The following RNF111 variants were observed in gnomAD, a reference collection of about 807,000 sequenced individuals.
The protein encoded by RNF111 is ring finger protein 111.
Under a neutral mutation model 95.1 loss-of-function variants are expected in RNF111, and 17 were observed. The ratio of observed to expected loss-of-function variants is 0.18; its 90% CI spans 0.12 to 0.27. The LOEUF (loss-of-function observed/expected upper bound fraction) is 0.27. RNF111 is among the 10% of genes least tolerant of loss of function. The pLI, the probability that RNF111 is intolerant of heterozygous loss-of-function variation, is 1.00. For synonymous variants in RNF111, 440 were observed against 414.8 expected (o/e 1.06, Z -0.74); for missense variants, 1,189 against 1,210.4 (o/e 0.98, Z 0.26).
intron 1 of RNF111, among the ~76,000 whole-genome samples, chr15:59,009,328 T>C (rs1596064393): frequency 6.6e-6 from 1 of 152,044 alleles, no homozygotes; most frequent in Admixed American, 6.6e-5. Flanking sequence ...TATTTCATCT[T>C]AGCTAGAGCA....
intron 2 of RNF111, among the ~76,000 whole-genome samples, chr15:59,051,917 A>G (rs1025942115): frequency 6.6e-6 from 1 of 152,176 alleles, no homozygotes; most frequent in Admixed American, 6.5e-5. Flanking sequence ...ACATAAAGCT[A>G]TTGTAATTAC....
At chr15:59,059,169 C>A (rs2042327364) in intron 5 of RNF111, among the ~76,000 whole-genome samples, 1 of 151,992 alleles carries the variant, frequency 6.6e-6, no homozygotes, top group South Asian at 2.1e-4. Flanking sequence ...CCCAACCCAA[C>A]AGAAAGACAA....
intron 7 of RNF111, among the ~76,000 whole-genome samples, chr15:59,079,506 G>C (rs2078672889): frequency 6.6e-6 from 1 of 152,144 alleles, no homozygotes; most frequent in Non-Finnish European, 1.5e-5. Context: ...TTGAGTTATT[G>C]TTACCTAACT....
chr15:59,041,769 A>G (rs756477437), intron 2 of RNF111, among the ~76,000 whole-genome samples: 1 of 152,188 alleles, frequency 6.6e-6, no homozygotes, highest in Non-Finnish European at 1.5e-5. Context: ...CTGTTTTCTC[A>G]AAATCCTTCC....
chr15:59,012,181 G>T (rs1445588542), intron 1 of RNF111, among the ~76,000 whole-genome samples: 1 of 151,618 alleles, frequency 6.6e-6, no homozygotes, highest in Non-Finnish European at 1.5e-5. Context: ...TCCACACCCG[G>T]CTGATTTTTG....
intron 2 of RNF111, among the ~76,000 whole-genome samples, chr15:59,046,055 GATA>G (rs1377637418): frequency 1.3e-5 from 2 of 151,970 alleles, no homozygotes; most frequent in Non-Finnish European, 2.9e-5. Context: ...TTTTCTAATT[GATA>G]ATAACATTTC....
intron 6 of RNF111, among the ~76,000 whole-genome samples, chr15:59,072,609 C>G (rs1171248709): frequency 6.6e-6 from 1 of 151,732 alleles, no homozygotes; most frequent in African/African-American, 2.4e-5. Context: ...CGCCACCACG[C>G]CTGGCTAATT....
chr15:59,003,108 T>A (rs2039396025), intron 1 of RNF111, among the ~76,000 whole-genome samples: 1 of 152,204 alleles, frequency 6.6e-6, no homozygotes, highest in African/African-American at 2.4e-5. Flanking sequence ...TCCTACTGCC[T>A]GTTTAATTTT....
At chr15:59,010,960 G>A (rs566606736) in intron 1 of RNF111, among the ~76,000 whole-genome samples, 1 of 152,252 alleles carries the variant, frequency 6.6e-6, no homozygotes, top group Non-Finnish European at 1.5e-5. Context: ...AAAAGTGTCT[G>A]AAGAAGTCAT....
At chr15:59,092,373 G>A in intron 12 of RNF111, 164 bp from the exon 13 acceptor site, 1 of 555,514 alleles carries the variant, frequency 1.8e-6, no homozygotes, top group Non-Finnish European at 2.9e-6. Flanking sequence ...ATTGATGATA[G>A]TCACTTAATT....
At chr15:59,072,450 C>CTTTTTTTT (rs35989790) in intron 6 of RNF111, among the ~76,000 whole-genome samples, 1 of 102,770 alleles carries the variant, frequency 9.7e-6, no homozygotes, top group Non-Finnish European at 1.8e-5. Flanking sequence ...TCATTTCCAT[C>CTTTTTTTT]TTTTTTTTTT....
At chr15:58,992,448 T>A (rs2038860225) in intron 1 of RNF111, among the ~76,000 whole-genome samples, 1 of 152,146 alleles carries the variant, frequency 6.6e-6, no homozygotes, top group African/African-American at 2.4e-5. Context: ...ATTGTTGGGT[T>A]GGGGTGATGG....
At chr15:59,085,863 A>C in intron 10 of RNF111, 78 bp downstream of exon 10, 11 of 1,165,894 alleles carry the variant, frequency 9.4e-6, no homozygotes, top group Non-Finnish European at 1.3e-5. Flanking sequence ...ATACTTCACT[A>C]TATTAATATA....
intron 6 of RNF111, among the ~76,000 whole-genome samples, chr15:59,073,745 C>T (rs959964308): frequency 6.6e-6 from 1 of 152,162 alleles, no homozygotes; most frequent in Non-Finnish European, 1.5e-5. Flanking sequence ...CACAAATGTT[C>T]TTAATGACAT....
intron 6 of RNF111, among the ~76,000 whole-genome samples, chr15:59,071,769 C>G (rs1370562035): frequency 2.6e-5 from 4 of 152,000 alleles, no homozygotes; most frequent in Admixed American, 1.3e-4. Flanking sequence ...GGTTTATTTC[C>G]CAACTTAGTT....
intron 7 of RNF111, among the ~76,000 whole-genome samples, chr15:59,078,484 TG>T (rs1216870970): frequency 6.7e-6 from 1 of 149,694 alleles, no homozygotes; most frequent in Non-Finnish European, 1.5e-5. Context: ...AAGGTTGTAG[TG>T]TGCTGTTATC....
chr15:59,026,970 C>A (rs2040643829), intron 1 of RNF111, among the ~76,000 whole-genome samples: 1 of 152,132 alleles, frequency 6.6e-6, no homozygotes, highest in East Asian at 1.9e-4. Flanking sequence ...GATCAAAAAT[C>A]AGAGCAGATT....
intron 10 of RNF111, among the ~76,000 whole-genome samples, chr15:59,086,846 A>C (rs1328624601): frequency 2.0e-5 from 3 of 152,220 alleles, no homozygotes. Flanking sequence ...TGTCCTGATC[A>C]AATTTATGAT....
intron 8 of RNF111, among the ~76,000 whole-genome samples, chr15:59,081,616 A>G (rs73418826): frequency 0.096 from 14,673 of 152,060 alleles, 2,026 homozygotes; most frequent in African/African-American, 0.3. Context: ...CCAGTTGCTC[A>G]GGAGGCTAAG....
Sources: allele counts gnomAD v4.1 joint callset (sites outside exome capture counted in the v4.1 genomes callset), GRCh38; gene constraint gnomAD v4.1.1; transcripts MANE v1.5; gene names NCBI Gene and HGNC (gene_info 2026-07-23, HGNC 2026-07-21).